The following CELF4 variants were observed in gnomAD, a reference collection of about 807,000 sequenced individuals.
CELF4 encodes the protein CUGBP Elav-like family member 4, also known as CUG-BP- and ETR-3-like factor 4.
A neutral mutation model predicts 59.9 loss-of-function variants in CELF4; 18 were observed. The ratio of observed to expected loss-of-function variants is 0.30; its 90% CI spans 0.21 to 0.45. The LOEUF (loss-of-function observed/expected upper bound fraction) is 0.45. CELF4 is among the 20% of genes least tolerant of loss of function. The pLI is 1.00. For missense variants in CELF4, 456 were observed against 689.0 expected (o/e 0.66, Z 3.79); for synonymous variants, 261 against 267.1 (o/e 0.98, Z 0.22).
At chr18:37,555,640 C>G (rs1216211261) in intron 1 of CELF4, among the ~76,000 whole-genome samples, 1 of 152,210 alleles carries the variant, frequency 6.6e-6, no homozygotes, top group East Asian at 1.9e-4. Context: ...ATTGGTCAAC[C>G]AAGATATTGA....
At chr18:37,366,020 G>A (rs979705915) in intron 2 of CELF4, among the ~76,000 whole-genome samples, 1 of 152,190 alleles carries the variant, frequency 6.6e-6, no homozygotes, top group African/African-American at 2.4e-5. Flanking sequence ...CTTTAGGTCA[G>A]CCTAAGGAAG....
At chr18:37,505,256 A>G (rs2099936495) in intron 1 of CELF4, among the ~76,000 whole-genome samples, 1 of 152,210 alleles carries the variant, frequency 6.6e-6, no homozygotes, top group South Asian at 2.1e-4. Context: ...GGGGCCAGCC[A>G]GGCCAACCTG....
chr18:37,482,629 G>C (rs2099871199), intron 2 of CELF4, among the ~76,000 whole-genome samples: 1 of 152,146 alleles, frequency 6.6e-6, no homozygotes, highest in African/African-American at 2.4e-5. Flanking sequence ...AGCTTCCACT[G>C]ATCCCAAGAG....
At chr18:37,490,754 G>T (rs1342668397) in intron 1 of CELF4, among the ~76,000 whole-genome samples, 1 of 152,078 alleles carries the variant, frequency 6.6e-6, no homozygotes, top group Non-Finnish European at 1.5e-5. Context: ...ATTTTTGGAG[G>T]GCCCTCCCAG....
chr18:37,393,792 G>A (rs1033455356), intron 2 of CELF4, among the ~76,000 whole-genome samples: 1 of 151,290 alleles, frequency 6.6e-6, no homozygotes, highest in Non-Finnish European at 1.5e-5. Context: ...CTGAAGGTGC[G>A]GAGCACACTT....
intron 2 of CELF4, among the ~76,000 whole-genome samples, chr18:37,458,779 C>G (rs112706865): frequency 0.029 from 4,426 of 152,210 alleles, 226 homozygotes; most frequent in African/African-American, 0.1. Context: ...GTTTGCAGAG[C>G]CTGATACTGC....
intron 1 of CELF4, among the ~76,000 whole-genome samples, chr18:37,535,628 G>A (rs2099972880): frequency 6.6e-6 from 1 of 152,182 alleles, no homozygotes; most frequent in Non-Finnish European, 1.5e-5. Flanking sequence ...TATTACTTAA[G>A]AGCGTTTATA....
At chr18:37,455,261 T>C (rs1256702005) in intron 2 of CELF4, among the ~76,000 whole-genome samples, 1 of 152,222 alleles carries the variant, frequency 6.6e-6, no homozygotes. Context: ...GGATGAACCA[T>C]ACCAAGTGCA....
At chr18:37,407,555 A>ATG (rs531384045) in intron 2 of CELF4, among the ~76,000 whole-genome samples, 192 of 151,304 alleles carry the variant, frequency 1.3e-3, no homozygotes, top group African/African-American at 4.4e-3. Flanking sequence ...ATGTATGTAT[A>ATG]TGTGTATATA....
chr18:37,266,938 G>C (rs889767899), intron 8 of CELF4, among the ~76,000 whole-genome samples: 1 of 142,386 alleles, frequency 7.0e-6, no homozygotes, highest in African/African-American at 3.0e-5. Context: ...TGCTGGTGGT[G>C]GGGGGGGACA....
chr18:37,344,656 G>C (rs1220787955), intron 2 of CELF4, among the ~76,000 whole-genome samples: 1 of 152,228 alleles, frequency 6.6e-6, no homozygotes, highest in Non-Finnish European at 1.5e-5. Context: ...TATGTGCACA[G>C]CTTTCTGTAT....
chr18:37,295,765 C>T (rs144539068), intron 3 of CELF4, among the ~76,000 whole-genome samples: 3 of 152,334 alleles, frequency 2.0e-5, no homozygotes, highest in African/African-American at 7.2e-5. Context: ...CTCCAACATA[C>T]AGCATCCGAA....
At position 37,565,749 on chromosome 18, in the gene CELF4, T is replaced by TC; in HGVS notation, c.-109dup. On this transcript the variant is annotated 5_prime_UTR_variant, in exon 1 of 13. Coordinates refer to ENST00000420428, the MANE Select transcript of CELF4 (RefSeq NM_020180.4). ...CACGCATACACACACTCGGGTTCTC[T>TC]CCCCCTCGGTTTCTCTACACCTCGC... 2 of 862,314 alleles carry TC rather than the reference T, an allele frequency of 2.3e-6. No individual in the cohort carries two copies. Among genetic ancestry groups the TC allele is most frequent in the Non-Finnish European group, 1.7e-6 (1 of 599,420 alleles). The allele number at this position is 862,314 out of a possible 1,614,324, so 53.4% of individuals were successfully genotyped here.
chr18:37,483,679 G>T (rs1231407458), intron 2 of CELF4, among the ~76,000 whole-genome samples: 1 of 152,134 alleles, frequency 6.6e-6, no homozygotes, highest in African/African-American at 2.4e-5. Context: ...CTGGCGCGTC[G>T]CTCCAATGTG....
chr18:37,493,749 A>G (rs181130650), intron 1 of CELF4, among the ~76,000 whole-genome samples: 2 of 152,180 alleles, frequency 1.3e-5, no homozygotes, highest in Admixed American at 1.3e-4. Context: ...TCTCCTCTTT[A>G]GGGGCTCTCC....
At chr18:37,368,108 T>G (rs752535734) in intron 2 of CELF4, among the ~76,000 whole-genome samples, 5 of 152,110 alleles carry the variant, frequency 3.3e-5, no homozygotes, top group Non-Finnish European at 5.9e-5. Context: ...ACTCCATCTG[T>G]GGAGGAGACC....
chr18:37,473,119 C>A (rs1334046129), intron 2 of CELF4, among the ~76,000 whole-genome samples: 1 of 152,170 alleles, frequency 6.6e-6, no homozygotes, highest in Non-Finnish European at 1.5e-5. Flanking sequence ...ACAGGCCAGC[C>A]CGTGCTATCC....
At chr18:37,420,129 G>A (rs2099568696) in intron 2 of CELF4, among the ~76,000 whole-genome samples, 1 of 152,182 alleles carries the variant, frequency 6.6e-6, no homozygotes, top group Non-Finnish European at 1.5e-5. Flanking sequence ...ATGTGGTGGG[G>A]GAACCTTGAC....
intron 3 of CELF4, among the ~76,000 whole-genome samples, chr18:37,309,675 C>A (rs1314882402): frequency 6.6e-6 from 1 of 152,082 alleles, no homozygotes; most frequent in Non-Finnish European, 1.5e-5. Flanking sequence ...AATGCAGATA[C>A]TATGCGCGTG....
Sources: gnomAD v4.1 joint callset for allele counts (sites outside exome capture counted in the v4.1 genomes callset) on GRCh38, gnomAD v4.1.1 for gene constraint, MANE v1.5 for transcripts, NCBI Gene and HGNC (gene_info 2026-07-23, HGNC 2026-07-21) for gene names.